The following PEPD variants were observed in gnomAD, a reference collection of about 807,000 sequenced individuals.
PEPD encodes xaa-Pro dipeptidase.
Under a neutral mutation model 60.7 loss-of-function variants are expected in PEPD, and 53 were observed. That is an observed-to-expected ratio of 0.87 (90% CI 0.70 to 1.10). The LOEUF (loss-of-function observed/expected upper bound fraction) is 1.10, where lower values mean the gene tolerates loss of function less well. Ranked by LOEUF, PEPD falls within the 50% of genes least tolerant of loss-of-function variation. The probability of loss-of-function intolerance (pLI) is 0.00; values close to 1 mark genes in which losing one functional copy is unlikely to be tolerated. For synonymous variants in PEPD, 267 were observed against 284.1 expected (o/e 0.94, Z 0.60); for missense variants, 711 against 711.9 (o/e 1.00, Z 0.01).
chr19:33,409,743 C>T (rs568072948), intron 11 of PEPD, among the ~76,000 whole-genome samples: 31 of 152,320 alleles, frequency 2.0e-4, no homozygotes, highest in African/African-American at 7.5e-4. Flanking sequence ...GCAGGGCTGC[C>T]ACCCCCTCTC....
intron 9 of PEPD, among the ~76,000 whole-genome samples, chr19:33,437,849 C>T (rs996755221): frequency 1.2e-4 from 18 of 152,142 alleles, no homozygotes; most frequent in Admixed American, 3.3e-4. Flanking sequence ...TCTCAACCCT[C>T]GCCAGTTTCT....
In PEPD at chr19:33,406,168, G is replaced by A. The variant is rs967381750; in HGVS notation, c.819-4299C>T. ...TGGCAGGCGGGAGGGAGAGTCACACGCGCAGCACATGCTGTATTTTGCTTT... is the reference window on the plus strand; with the variant it reads ...TGGCAGGCGGGAGGGAGAGTCACACACGCAGCACATGCTGTATTTTGCTTT... On this transcript the variant is annotated intron_variant, in intron 11 of 14. Coordinates refer to ENST00000244137, the MANE Select transcript of PEPD (RefSeq NM_000285.4). Among the ~76,000 whole-genome samples, 5 of 152,346 alleles carry A rather than the reference G, an allele frequency of 3.3e-5. No homozygotes were observed. In the South Asian group the frequency reaches 8.3e-4, roughly 25 times the overall value.
chr19:33,427,252 G>GTCGTGGCTCATGGCATC (rs61438135), intron 9 of PEPD, among the ~76,000 whole-genome samples: 2,483 of 152,316 alleles, frequency 0.016, 76 homozygotes, highest in African/African-American at 0.055. Flanking sequence ...GGCGGAGGCT[G>GTCGTGGCTCATGGCATC]TCGTGGCTCA....
chr19:33,464,977 G>A (rs949133754), intron 7 of PEPD, among the ~76,000 whole-genome samples: 1 of 152,166 alleles, frequency 6.6e-6, no homozygotes, highest in African/African-American at 2.4e-5. Context: ...AAGGCCCTGG[G>A]CTCCAGTTCA....
intron 9 of PEPD, among the ~76,000 whole-genome samples, chr19:33,459,179 G>A (rs533078806): frequency 5.9e-5 from 9 of 151,984 alleles, no homozygotes; most frequent in African/African-American, 1.7e-4. Context: ...GGAAGGGGAC[G>A]CCACCACACG....
intron 1 of PEPD, among the ~76,000 whole-genome samples, chr19:33,515,783 T>A (rs920957473): frequency 1.3e-5 from 2 of 151,440 alleles, no homozygotes; most frequent in Non-Finnish European, 2.9e-5. Flanking sequence ...CACACTCCCC[T>A]CTCCCTGCCT....
Position 33,453,930 on chromosome 19 carries a change from T to G in PEPD, c.671+9065A>C, listed in dbSNP as rs544112597. 1.2e-4 allele frequency among the ~76,000 whole-genome samples: 19 copies of G among 152,330 alleles called. No individual in the cohort carries two copies. In the South Asian group the frequency reaches 1.7e-3, roughly 13 times the overall value. ...TGCCTCCTAAGTCGGCTTCTTAAAG[T>G]CCTGATAAACCACAATAAAGTAGTG... On this transcript the variant is annotated intron_variant, in intron 9 of 14. Coordinates refer to ENST00000244137, the MANE Select transcript of PEPD (RefSeq NM_000285.4).
At chr19:33,403,327 C>T (rs950312564) in intron 11 of PEPD, among the ~76,000 whole-genome samples, 2 of 152,222 alleles carry the variant, frequency 1.3e-5, no homozygotes, top group African/African-American at 4.8e-5. Context: ...CCCACCACGT[C>T]TGCAGGGTCC....
At chr19:33,515,694 A>G (rs1203062995) in intron 1 of PEPD, among the ~76,000 whole-genome samples, 1 of 148,452 alleles carries the variant, frequency 6.7e-6, no homozygotes, top group East Asian at 2.0e-4. Flanking sequence ...CCTCAGCCAC[A>G]GTCGTCGAAT....
At chr19:33,489,629 A>C (rs1568497854) in intron 6 of PEPD, among the ~76,000 whole-genome samples, 3 of 148,080 alleles carry the variant, frequency 2.0e-5, no homozygotes, top group African/African-American at 7.9e-5. Flanking sequence ...ACTCCATCTC[A>C]AAAAAAATAA....
intron 1 of PEPD, among the ~76,000 whole-genome samples, chr19:33,515,877 G>A (rs1469246194): frequency 6.6e-6 from 1 of 152,042 alleles, no homozygotes. Context: ...AGAAGGGCTG[G>A]CCTTCCCCTT....
intron 9 of PEPD, among the ~76,000 whole-genome samples, chr19:33,435,389 G>A (rs940742939): frequency 1.3e-5 from 2 of 152,084 alleles, no homozygotes; most frequent in South Asian, 2.1e-4. Flanking sequence ...CTGGAGGCCC[G>A]GCTGAGGCCC....
At chr19:33,396,691 C>T (rs550698356) in intron 12 of PEPD, among the ~76,000 whole-genome samples, 6 of 8,434 alleles carry the variant, frequency 7.1e-4, no homozygotes, top group East Asian at 7.1e-3. Context: ...TAGAGAAAGG[C>T]GGGGAGGCCA....
At chr19:33,455,625 T>G (rs1969780962) in intron 9 of PEPD, among the ~76,000 whole-genome samples, 1 of 151,468 alleles carries the variant, frequency 6.6e-6, no homozygotes, top group Non-Finnish European at 1.5e-5. Context: ...GCCTCAGCCT[T>G]CCAAGTAGCT....
intron 7 of PEPD, among the ~76,000 whole-genome samples, chr19:33,474,544 C>T (rs999965140): frequency 2.6e-5 from 4 of 151,942 alleles, no homozygotes; most frequent in Non-Finnish European, 5.9e-5. Flanking sequence ...AAAAAGTAGC[C>T]GGGCATGGTG....
At chr19:33,438,127 G>C (rs188386921) in intron 9 of PEPD, among the ~76,000 whole-genome samples, 3 of 152,346 alleles carry the variant, frequency 2.0e-5, no homozygotes, top group African/African-American at 7.2e-5. Context: ...CAGGCTGCAG[G>C]GATGTCCAGG....
chr19:33,432,010 A>AAAAAAAAAAAAAAAAAAAAAAAAAG (rs1031542443), intron 9 of PEPD, among the ~76,000 whole-genome samples: 3 of 147,516 alleles, frequency 2.0e-5, no homozygotes, highest in African/African-American at 7.7e-5. Context: ...AAAAAAAAAA[A>AAAAAAAAAAAAAAAAAAAAAAAAAG]GGGAAGATTA....
chr19:33,480,648 A>G (rs1194011829), intron 6 of PEPD, among the ~76,000 whole-genome samples: 2 of 152,174 alleles, frequency 1.3e-5, no homozygotes, highest in Non-Finnish European at 2.9e-5. Flanking sequence ...CACAAAAATT[A>G]GCAGAGCATG....
chr19:33,409,729 G>A (rs890851571), intron 11 of PEPD, among the ~76,000 whole-genome samples: 3 of 152,200 alleles, frequency 2.0e-5, no homozygotes, highest in South Asian at 2.1e-4. Context: ...TCCACGGTGT[G>A]GGGGCAGGGC....
Sources: allele counts gnomAD v4.1 joint callset (sites outside exome capture counted in the v4.1 genomes callset), GRCh38; gene constraint gnomAD v4.1.1; transcripts MANE v1.5; gene names NCBI Gene and HGNC (gene_info 2026-07-23, HGNC 2026-07-21).